TXNDC16: variants seen among roughly 807,000 people sequenced by gnomAD.
TXNDC16 encodes the protein thioredoxin domain-containing protein 16.
TXNDC16 carries 74 observed loss-of-function variants against 85.6 expected under a neutral mutation model. The ratio of observed to expected loss-of-function variants is 0.86; its 90% CI spans 0.72 to 1.05. The LOEUF (loss-of-function observed/expected upper bound fraction) is 1.05. TXNDC16 is among the 50% of genes least tolerant of loss of function. The probability of loss-of-function intolerance (pLI) is 0.00; values close to 1 mark genes in which losing one functional copy is unlikely to be tolerated. For missense variants in TXNDC16, 959 were observed against 947.0 expected (o/e 1.01, Z -0.17); for synonymous variants, 335 against 326.5 (o/e 1.03, Z -0.28).
rs201471422 is a variant in TXNDC16 at position 52,470,171 on chromosome 14, T to C, written c.1484A>G (p.Asn495Ser). Reference sequence around the variant, plus strand: ...TATATTCACTGGATATGAAATCCTGTTGCTGGATAAACATATAACTATATT... The same window carrying C: ...TATATTCACTGGATATGAAATCCTGCTGCTGGATAAACATATAACTATATT... Reference protein sequence around the residue: ...TEDLLKFIQLNRISYPVNITS... With the variant: ...TEDLLKFIQLSRISYPVNITS... Residue 495 changes from asparagine to serine, a missense_variant and splice_region_variant, in exon 16 of 21, where the codon AAC becomes AGC. Transcript: ENST00000281741. 1.3e-6 allele frequency: 2 copies of C among 1,595,056 alleles called. No homozygotes were observed. The highest frequency in any genetic ancestry group is 3.6e-5 in the Admixed American group (2 of 56,242).
intron 16 of TXNDC16, among the ~76,000 whole-genome samples, chr14:52,468,618 C>T (rs756761081): frequency 1.8e-4 from 28 of 152,148 alleles, no homozygotes; most frequent in Non-Finnish European, 3.5e-4. Flanking sequence ...TGGCTCATGC[C>T]TATACTACCA....
chr14:52,488,637 A>T, intron 11 of TXNDC16, 151 bp from the exon 12 acceptor site: 1 of 544,022 alleles, frequency 1.8e-6, no homozygotes, highest in Admixed American at 3.5e-5. Context: ...GTAGTTCGAG[A>T]CCAGCCTGGC....
chr14:52,492,188 G>A (rs2036423178), intron 9 of TXNDC16, among the ~76,000 whole-genome samples: 1 of 152,156 alleles, frequency 6.6e-6, no homozygotes, highest in African/African-American at 2.4e-5. Flanking sequence ...GGGGTATTAA[G>A]TAACCAAATG....
At chr14:52,451,157 C>T (rs2035402348) in intron 18 of TXNDC16, among the ~76,000 whole-genome samples, 1 of 151,496 alleles carries the variant, frequency 6.6e-6, no homozygotes, top group South Asian at 2.1e-4. Context: ...AAAGACTATA[C>T]ATTGGGTACA....
chr14:52,480,469 C>A (rs1156911743), intron 14 of TXNDC16, among the ~76,000 whole-genome samples: 1 of 151,668 alleles, frequency 6.6e-6, no homozygotes. Context: ...TCAAACAAAT[C>A]AGCAAGAAAA....
At chr14:52,500,685 A>G (rs2036636906) in intron 9 of TXNDC16, among the ~76,000 whole-genome samples, 1 of 152,234 alleles carries the variant, frequency 6.6e-6, no homozygotes, top group Admixed American at 6.5e-5. Context: ...ACACTGCCAC[A>G]TAAGTTCTCT....
intron 9 of TXNDC16, among the ~76,000 whole-genome samples, chr14:52,503,316 T>C (rs376557776): frequency 6.5e-4 from 99 of 152,238 alleles, no homozygotes; most frequent in Middle Eastern, 3.4e-3. Flanking sequence ...CACTGGGAGG[T>C]ACCCCCCAGT....
chr14:52,545,770 A>T (rs917681782), intron 1 of TXNDC16, among the ~76,000 whole-genome samples: 1 of 152,188 alleles, frequency 6.6e-6, no homozygotes, highest in Admixed American at 6.5e-5. Flanking sequence ...AAGGATATGT[A>T]CCTTGTAGGA....
chr14:52,465,204 T>C (rs2035743906), intron 16 of TXNDC16, among the ~76,000 whole-genome samples: 2 of 152,176 alleles, frequency 1.3e-5, no homozygotes, highest in Admixed American at 1.3e-4. Context: ...ACAAATATTC[T>C]TAAACTCTTT....
chr14:52,541,189 T>C (rs936499063), intron 4 of TXNDC16, among the ~76,000 whole-genome samples: 3 of 151,936 alleles, frequency 2.0e-5, no homozygotes, highest in Admixed American at 1.3e-4. Context: ...TGAGCCGAGA[T>C]TGTCCCATTG....
At position 52,536,780 on chromosome 14, in the gene TXNDC16, G is replaced by A. The variant is rs137857007; in HGVS notation, c.331C>T (p.Leu111Phe). 10 of 1,610,378 alleles carry A rather than the reference G, an allele frequency of 6.2e-6. No individual in the cohort carries two copies. The highest frequency in any genetic ancestry group is 1.7e-5 in the Admixed American group (1 of 59,842). ...KAYLFKGNIL[L>F]REFPTDTLFD... ...AAGGTGTCAGTAGGGAATTCTCTGAGCAATATGTTGCCCCTATAAAAAGTT... is the reference window on the plus strand; with the variant it reads ...AAGGTGTCAGTAGGGAATTCTCTGAACAATATGTTGCCCCTATAAAAAGTT... Residue 111 changes from leucine to phenylalanine, a missense_variant, in exon 6 of 21, where the codon CTC (leucine) becomes TTC (phenylalanine). Physicochemically the swap from Leu to Phe is conservative, Grantham distance 22 (BLOSUM62 0). Transcript: ENST00000281741.
chr14:52,438,411 G>A (rs1174168653), intron 20 of TXNDC16, among the ~76,000 whole-genome samples: 1 of 152,156 alleles, frequency 6.6e-6, no homozygotes, highest in African/African-American at 2.4e-5. Flanking sequence ...CCACCTGTCA[G>A]TTAGCAGCCA....
At chr14:52,493,344 G>T (rs1253754561) in intron 9 of TXNDC16, among the ~76,000 whole-genome samples, 1 of 151,732 alleles carries the variant, frequency 6.6e-6, no homozygotes, top group Non-Finnish European at 1.5e-5. Flanking sequence ...CCTGAGGAAA[G>T]CCTCTAACAT....
chr14:52,498,837 G>A (rs1304847634), intron 9 of TXNDC16, among the ~76,000 whole-genome samples: 4 of 151,990 alleles, frequency 2.6e-5, no homozygotes, highest in Non-Finnish European at 4.4e-5. Context: ...AATTCATATG[G>A]AATCTCAAGG....
intron 9 of TXNDC16, among the ~76,000 whole-genome samples, chr14:52,492,260 G>A (rs932852048): frequency 1.3e-5 from 2 of 152,106 alleles, no homozygotes; most frequent in South Asian, 4.1e-4. Flanking sequence ...CAGCAGCTAG[G>A]CCTTTGTCCT....
At chr14:52,504,653 T>C (rs1464591466) in intron 9 of TXNDC16, among the ~76,000 whole-genome samples, 1 of 152,042 alleles carries the variant, frequency 6.6e-6, no homozygotes, top group Non-Finnish European at 1.5e-5. Flanking sequence ...TAGGAAGAAA[T>C]TGCATCAACT....
At chr14:52,460,958 A>C (rs2035639679) in intron 16 of TXNDC16, among the ~76,000 whole-genome samples, 1 of 151,816 alleles carries the variant, frequency 6.6e-6, no homozygotes, top group African/African-American at 2.4e-5. Context: ...CATTTCAGTC[A>C]GCTTTTAATC....
chr14:52,523,451 A>G (rs2037258539), intron 6 of TXNDC16, among the ~76,000 whole-genome samples: 1 of 152,180 alleles, frequency 6.6e-6, no homozygotes, highest in Non-Finnish European at 1.5e-5. Context: ...TCATCATTCA[A>G]ATTCTTAGAA....
chr14:52,551,955 C>T (rs1276113620), intron 1 of TXNDC16, among the ~76,000 whole-genome samples: 1 of 118,622 alleles, frequency 8.4e-6, no homozygotes, highest in Non-Finnish European at 2.1e-5. Context: ...CCAGCTTCCC[C>T]CTGCTCACAG....
Sources: gnomAD v4.1 joint callset for allele counts (sites outside exome capture counted in the v4.1 genomes callset) on GRCh38, gnomAD v4.1.1 for gene constraint, MANE v1.5 for transcripts, NCBI Gene and HGNC (gene_info 2026-07-23, HGNC 2026-07-21) for gene names.